The following MDGA2 variants were observed in gnomAD, a reference collection of about 807,000 sequenced individuals.
MDGA2 encodes the protein MAM domain-containing glycosylphosphatidylinositol anchor protein 2.
In MDGA2, 40 loss-of-function variants were observed where a neutral mutation model predicts 117.8. The ratio of observed to expected loss-of-function variants is 0.34; its 90% CI spans 0.26 to 0.44. The LOEUF is 0.44. Ranked by LOEUF, MDGA2 falls within the 20% of genes least tolerant of loss-of-function variation. The probability of loss-of-function intolerance (pLI) is 1.00; values close to 1 mark genes in which losing one functional copy is unlikely to be tolerated. For missense variants in MDGA2, 1,123 were observed against 1,250.6 expected, an observed-to-expected ratio of 0.90 and a Z score of 1.54; for synonymous variants, 452 against 439.0, an observed-to-expected ratio of 1.03 and a Z score of -0.37.
intron 1 of MDGA2, among the ~76,000 whole-genome samples, chr14:47,603,310 G>A (rs1310385044): frequency 6.6e-6 from 1 of 152,094 alleles, no homozygotes; most frequent in Admixed American, 6.6e-5. Flanking sequence ...TCATTTGAAT[G>A]CTTTATTACA....
At chr14:47,085,529 T>C (rs568367466) in intron 6 of MDGA2, among the ~76,000 whole-genome samples, 1 of 152,264 alleles carries the variant, frequency 6.6e-6, no homozygotes, top group African/African-American at 2.4e-5. Flanking sequence ...CAGCAGATTA[T>C]ATGCATTTCT....
chr14:46,929,498 G>A (rs1158677572), intron 9 of MDGA2, among the ~76,000 whole-genome samples: 3 of 148,566 alleles, frequency 2.0e-5, no homozygotes, highest in Admixed American at 6.8e-5. Flanking sequence ...TGAAGGTTAT[G>A]AAAGGCCTAT....
At chr14:47,561,181 T>TTTTTG (rs2138800241) in intron 1 of MDGA2, among the ~76,000 whole-genome samples, 1 of 139,890 alleles carries the variant, frequency 7.1e-6, no homozygotes, top group Non-Finnish European at 1.5e-5. Flanking sequence ...GTTTGTTTGT[T>TTTTTG]TTTTTTTGCT....
At chr14:47,632,295 CCT>C (rs1897257657) in intron 1 of MDGA2, among the ~76,000 whole-genome samples, 1 of 152,202 alleles carries the variant, frequency 6.6e-6, no homozygotes, top group Non-Finnish European at 1.5e-5. Context: ...ATTCCTGAAA[CCT>C]CTCTCTTCCT....
At chr14:46,895,169 C>G (rs1019117387) in intron 10 of MDGA2, among the ~76,000 whole-genome samples, 1 of 152,128 alleles carries the variant, frequency 6.6e-6, no homozygotes, top group African/African-American at 2.4e-5. Flanking sequence ...TTCTCATAAT[C>G]TTCACGTGGT....
intron 1 of MDGA2, among the ~76,000 whole-genome samples, chr14:47,669,844 C>T (rs1898042701): frequency 6.6e-6 from 1 of 152,066 alleles, no homozygotes; most frequent in Non-Finnish European, 1.5e-5. Context: ...CACGGCCTCT[C>T]CAAACCCAAT....
At chr14:47,206,725 C>G (rs953805903) in intron 3 of MDGA2, among the ~76,000 whole-genome samples, 2 of 151,892 alleles carry the variant, frequency 1.3e-5, no homozygotes, top group Non-Finnish European at 2.9e-5. Flanking sequence ...TCAGTCTCTA[C>G]AAAAAGCTAG....
intron 1 of MDGA2, among the ~76,000 whole-genome samples, chr14:47,405,532 G>T (rs746608343): frequency 6.6e-6 from 1 of 152,166 alleles, no homozygotes; most frequent in African/African-American, 2.4e-5. Context: ...ACTATTCCTC[G>T]CTGGTGGAAA....
chr14:46,961,278 C>A (rs929481252), intron 8 of MDGA2, among the ~76,000 whole-genome samples: 4 of 151,974 alleles, frequency 2.6e-5, no homozygotes, highest in African/African-American at 9.7e-5. Context: ...TTGGAAAATT[C>A]TCATCATTAG....
At chr14:46,921,376 G>A (rs1235454586) in intron 9 of MDGA2, among the ~76,000 whole-genome samples, 1 of 151,512 alleles carries the variant, frequency 6.6e-6, no homozygotes, top group Non-Finnish European at 1.5e-5. Flanking sequence ...GAGGTGCTCG[G>A]ATCTCTTGAA....
intron 8 of MDGA2, among the ~76,000 whole-genome samples, chr14:47,027,550 A>G (rs1888518387): frequency 6.6e-6 from 1 of 151,762 alleles, no homozygotes. Flanking sequence ...TTTTCCTTAC[A>G]TGAGCCACAT....
chr14:47,666,789 A>G (rs1897980248), intron 1 of MDGA2, among the ~76,000 whole-genome samples: 1 of 152,106 alleles, frequency 6.6e-6, no homozygotes, highest in South Asian at 2.1e-4. Context: ...TTGGGTACAC[A>G]TTGCCTTTAT....
chr14:46,919,085 T>C (rs1203181806), intron 10 of MDGA2, among the ~76,000 whole-genome samples: 4 of 152,148 alleles, frequency 2.6e-5, no homozygotes, highest in Non-Finnish European at 5.9e-5. Context: ...ATGTGAGTAA[T>C]GTGTCACACA....
intron 1 of MDGA2, among the ~76,000 whole-genome samples, chr14:47,426,598 G>T (rs2138517521): frequency 6.6e-6 from 1 of 151,010 alleles, no homozygotes; most frequent in African/African-American, 2.4e-5. Context: ...TAGAAAATAT[G>T]CAGATTAATA....
chr14:47,507,302 A>G (rs1365691913), intron 1 of MDGA2, among the ~76,000 whole-genome samples: 1 of 152,156 alleles, frequency 6.6e-6, no homozygotes, highest in African/African-American at 2.4e-5. Flanking sequence ...TTTAGAAGAC[A>G]GAATTATGAA....
chr14:47,597,949 A>C (rs1176033879), intron 1 of MDGA2, among the ~76,000 whole-genome samples: 1 of 151,958 alleles, frequency 6.6e-6, no homozygotes, highest in African/African-American at 2.4e-5. Flanking sequence ...TTGATTGATT[A>C]AGACATTGAG....
intron 1 of MDGA2, among the ~76,000 whole-genome samples, chr14:47,359,312 C>T (rs527842216): frequency 5.5e-4 from 83 of 152,240 alleles, no homozygotes; most frequent in African/African-American, 2.0e-3. Context: ...TGAGATCACA[C>T]CACTGCACTC....
intron 8 of MDGA2, among the ~76,000 whole-genome samples, chr14:46,980,920 C>G (rs901960601): frequency 6.6e-6 from 1 of 152,174 alleles, no homozygotes; most frequent in Non-Finnish European, 1.5e-5. Context: ...TGCCTCATTT[C>G]AGAATTTGCT....
At chr14:47,306,031 A>T (rs1889433546) in intron 1 of MDGA2, 3 of 152,188 alleles carry the variant, frequency 2.0e-5, no homozygotes, top group African/African-American at 7.2e-5. Context: ...TTTCTGAAAT[A>T]ACCATGTAAA....
Sources: gnomAD v4.1 joint callset for allele counts (sites outside exome capture counted in the v4.1 genomes callset) on GRCh38, gnomAD v4.1.1 for gene constraint, MANE v1.5 for transcripts, NCBI Gene and HGNC (gene_info 2026-07-23, HGNC 2026-07-21) for gene names.